Variants in SLC22A23 observed in about 807,000 individuals in gnomAD.
SLC22A23 encodes ion transporter protein.
In SLC22A23, 26 loss-of-function variants were observed where a neutral mutation model predicts 61.0. The observed-to-expected ratio is 0.43, with a 90% CI of 0.31 to 0.59. SLC22A23 has a LOEUF of 0.59. Among genes scored for constraint, SLC22A23 ranks in the 20% least tolerant of loss-of-function variants. The probability of loss-of-function intolerance (pLI) is 0.11; values close to 1 mark genes in which losing one functional copy is unlikely to be tolerated. For missense variants in SLC22A23, 796 were observed against 934.7 expected (o/e 0.85, Z 1.94); for synonymous variants, 430 against 413.9 (o/e 1.04, Z -0.47).
At chr6:3,339,095 T>G (rs1348152712) in intron 3 of SLC22A23, among the ~76,000 whole-genome samples, 1 of 152,194 alleles carries the variant, frequency 6.6e-6, no homozygotes. Context: ...GCCAGTCATT[T>G]CTTAAGTGAT....
Position 3,269,413 on chromosome 6 carries a change from C to T in SLC22A23, c.*3642G>A, listed in dbSNP as rs553786685. On this transcript the variant is annotated 3_prime_UTR_variant, in exon 10 of 10. Transcript: ENST00000406686. ...CCATTAATGGTAGTGAAATGCCCTT[C>T]GGTGGATACCATCAGGTGAGGTAGG... 2 of 152,648 alleles carry T rather than the reference C, an allele frequency of 1.3e-5. No individual in the cohort carries two copies. The highest frequency in any genetic ancestry group is 2.4e-5 in the African/African-American group (1 of 41,568). 9.5% of individuals were successfully genotyped at this position (152,648 alleles called of 1,614,324 possible).
At chr6:3,438,795 GTGCCTGC>G (rs1217663217) in intron 1 of SLC22A23, among the ~76,000 whole-genome samples, 3 of 152,188 alleles carry the variant, frequency 2.0e-5, no homozygotes, top group Non-Finnish European at 4.4e-5. Context: ...TGGGCTAAAC[GTGCCTGC>G]TGCCTGCTGA....
At chr6:3,320,806 T>C (rs889007118) in intron 4 of SLC22A23, among the ~76,000 whole-genome samples, 2 of 152,314 alleles carry the variant, frequency 1.3e-5, no homozygotes, top group Admixed American at 6.5e-5. Flanking sequence ...CTCCTATATA[T>C]ATATTAAGAG....
At chr6:3,425,584 G>A (rs377374514) in intron 1 of SLC22A23, among the ~76,000 whole-genome samples, 93 of 152,128 alleles carry the variant, frequency 6.1e-4, no homozygotes, top group African/African-American at 2.1e-3. Context: ...GCACCCGGCC[G>A]AATAATTATC....
In SLC22A23 at chr6:3,269,909, G is replaced by GTT. The variant is rs1308049556; in HGVS notation, c.*3144_*3145dup. 1 of 152,930 alleles carries GTT rather than the reference G, an allele frequency of 6.5e-6. No individual in the cohort carries two copies. The highest frequency in any genetic ancestry group is 6.5e-5 in the Admixed American group (1 of 15,310). The allele number at this position is 152,930 out of a possible 1,614,324, so 9.5% of individuals were successfully genotyped here. A position where few individuals can be genotyped will look rare whatever the true frequency, so the allele number is the denominator to read the frequency against. On this transcript the variant is annotated 3_prime_UTR_variant, in exon 10 of 10. Coordinates refer to ENST00000406686, the MANE Select transcript of SLC22A23 (RefSeq NM_015482.2). ...GTGTGATACTTCCCTTACGAGGTTT[G>GTT]TTTTTGTTTTCTTTCTGTTCTGTAG...
chr6:3,361,449 T>C (rs1284315442), intron 3 of SLC22A23, among the ~76,000 whole-genome samples: 1 of 152,084 alleles, frequency 6.6e-6, no homozygotes, highest in Non-Finnish European at 1.5e-5. Flanking sequence ...GAGCAGGATG[T>C]CACAGAGAGA....
intron 6 of SLC22A23, 54 bp downstream of exon 6, chr6:3,289,710 A>C: frequency 6.7e-7 from 1 of 1,487,354 alleles, no homozygotes. Context: ...ACCACTCCCC[A>C]CCTTCTTCCC....
At chr6:3,331,485 G>A (rs552951888) in intron 3 of SLC22A23, among the ~76,000 whole-genome samples, 8 of 152,264 alleles carry the variant, frequency 5.3e-5, no homozygotes, top group Admixed American at 2.0e-4. Flanking sequence ...AAGCTGGCCC[G>A]GCACCCTACG....
chr6:3,286,847 C>G lies in SLC22A23; in HGVS notation c.1546+12G>C. ...CCTCCCTGCACCCAGCCCACCTCCC[C>G]GACCCACTCACGGTTGAGGAGGCCG... On this transcript the variant is annotated intron_variant, in intron 7 of 9. Transcript: ENST00000406686. This position sits in a 1 kb window ranked among gnomAD's most constrained non-coding sequence, Gnocchi z 4.2. 6.3e-7 allele frequency: 1 copy of G among 1,576,800 alleles called. No individual in the cohort carries two copies. Among genetic ancestry groups the G allele is most frequent in the Non-Finnish European group, 8.6e-7 (1 of 1,161,630 alleles).
Position 3,456,431 on chromosome 6 carries a change from GC to G in SLC22A23, c.128del (p.Gly43AlafsTer198), listed in dbSNP as rs1772413280. Reference sequence around the variant, plus strand: ...GCTGGATCTCCGCGCCGCCGCCGGGGCCCGCGCGTCCCCCGAGGGGCGCCGA... The same window carrying G: ...GCTGGATCTCCGCGCCGCCGCCGGGGCCGCGCGTCCCCCGAGGGGCGCCGA... ...AASAPLGGRA[G>X]PGGGAEIQPL... On this transcript the variant is annotated frameshift_variant, in exon 1 of 10. Coordinates refer to ENST00000406686, the MANE Select transcript of SLC22A23 (RefSeq NM_015482.2). LOFTEE classifies it high-confidence loss of function. The surrounding 1 kb of genome is among the most constrained non-coding windows in gnomAD (Gnocchi z 7.1). The G allele has an allele frequency of 7.5e-7, 1 of 1,325,094 alleles. No homozygotes were observed. The highest frequency in any genetic ancestry group is 9.6e-7 in the Non-Finnish European group (1 of 1,040,908). The allele number at this position is 1,325,094 out of a possible 1,614,324, so 82.1% of individuals were successfully genotyped here.
In SLC22A23 at chr6:3,323,975, C is replaced by T. The variant is rs1347868635; in HGVS notation, c.941G>A (p.Arg314Gln). 2 of 1,614,192 alleles carry T rather than the reference C, an allele frequency of 1.2e-6. No homozygotes were observed. The highest frequency in any genetic ancestry group is 1.7e-6 in the Non-Finnish European group (2 of 1,180,020). The change falls in exon 4 of 10, where the codon CGG (arginine) becomes CAG (glutamine). Residue 314 changes from arginine (R) to glutamine (Q), a missense_variant. Physicochemically the swap from Arg to Gln is conservative, Grantham distance 43. Coordinates refer to ENST00000406686, the MANE Select transcript of SLC22A23 (RefSeq NM_015482.2). ...GCTCGCCACCATCGTAATCATGAAC[C>T]GTTTTCCAGGGGGGCACAGCTCTAT... Reference protein sequence around the residue: ...LRIELCPPGKRFMITMVASFV... With the variant: ...LRIELCPPGKQFMITMVASFV...
At chr6:3,445,093 G>T (rs927799927) in intron 1 of SLC22A23, 1 of 473,892 alleles carries the variant, frequency 2.1e-6, no homozygotes, top group Non-Finnish European at 2.8e-6. Context: ...AGGCAGCACT[G>T]ACCGCATTCT....
intron 1 of SLC22A23, among the ~76,000 whole-genome samples, chr6:3,441,172 G>C (rs1214540993): frequency 6.6e-6 from 1 of 152,174 alleles, no homozygotes; most frequent in Non-Finnish European, 1.5e-5. Context: ...GGCTCGTTCA[G>C]GTGGTTTTCA....
chr6:3,285,183 T>C (rs527608115), intron 7 of SLC22A23, 72 bp from the exon 8 acceptor site: 1 of 1,592,168 alleles, frequency 6.3e-7, no homozygotes, highest in African/African-American at 1.3e-5. Context: ...GAGAGCACAT[T>C]AGGTGTGGAG....
chr6:3,346,074 C>G (rs7756838), intron 3 of SLC22A23, among the ~76,000 whole-genome samples: 36,700 of 152,032 alleles, frequency 0.24, 5,060 homozygotes, highest in East Asian at 0.52. Flanking sequence ...GTTCCACTTA[C>G]AGCCTATGAG....
intron 3 of SLC22A23, among the ~76,000 whole-genome samples, chr6:3,353,941 C>T (rs1764922513): frequency 6.6e-6 from 1 of 152,208 alleles, no homozygotes; most frequent in Non-Finnish European, 1.5e-5. Flanking sequence ...TTTTCCAGGT[C>T]TCCTATGCGT....
intron 6 of SLC22A23, among the ~76,000 whole-genome samples, chr6:3,288,213 G>A (rs112683096): frequency 0.011 from 1,612 of 152,236 alleles, 33 homozygotes; most frequent in African/African-American, 0.037. Flanking sequence ...GTGGTGCCTC[G>A]AGGGACCCTT....
intron 9 of SLC22A23, among the ~76,000 whole-genome samples, chr6:3,275,664 G>A (rs924481098): frequency 6.6e-6 from 1 of 152,142 alleles, no homozygotes; most frequent in African/African-American, 2.4e-5. Context: ...CTCACTGCAA[G>A]CTCTGCCTCC....
At chr6:3,292,340 C>CT (rs1760678913) in intron 5 of SLC22A23, among the ~76,000 whole-genome samples, 2 of 152,190 alleles carry the variant, frequency 1.3e-5, no homozygotes, top group South Asian at 2.1e-4. Flanking sequence ...TCCAAGAGGC[C>CT]TTTTTGTCTG....
Sources: gnomAD v4.1 joint callset for allele counts (sites outside exome capture counted in the v4.1 genomes callset) on GRCh38, gnomAD v4.1.1 for gene constraint, Gnocchi (gnomAD v3.1) non-coding constraint, MANE v1.5 for transcripts, NCBI Gene and HGNC (gene_info 2026-07-23, HGNC 2026-07-21) for gene names.